GSE1: variants seen among roughly 807,000 people sequenced by gnomAD.
GSE1 encodes Gse1 coiled-coil protein, also known as genetic suppressor element 1.
Under a neutral mutation model 112.6 loss-of-function variants are expected in GSE1, and 32 were observed. The ratio of observed to expected loss-of-function variants is 0.28; its 90% CI spans 0.21 to 0.38. The LOEUF is 0.38. GSE1 is among the 10% of genes least tolerant of loss of function. GSE1 has a pLI of 1.00. For missense variants in GSE1, 2,348 were observed against 1,699.2 expected (o/e 1.38, Z -6.71); for synonymous variants, 1,115 against 735.6 (o/e 1.52, Z -8.35).
At chr16:85,295,452 T>A (rs1007383441) in intron 1 of GSE1, among the ~76,000 whole-genome samples, 3 of 152,234 alleles carry the variant, frequency 2.0e-5, no homozygotes, top group Admixed American at 2.0e-4. Context: ...CCGCGTCCTT[T>A]TTGCCCATCC....
intron 1 of GSE1, among the ~76,000 whole-genome samples, chr16:85,216,721 A>T (rs1213728807): frequency 6.6e-6 from 1 of 152,176 alleles, no homozygotes; most frequent in African/African-American, 2.4e-5. Flanking sequence ...TGGGACTCCC[A>T]GCACCTGCTT....
At chr16:85,510,407 C>CGTGTGTGTGTGT (rs1555524666) in intron 2 of GSE1, among the ~76,000 whole-genome samples, 3 of 149,410 alleles carry the variant, frequency 2.0e-5, no homozygotes, top group Admixed American at 6.6e-5. Flanking sequence ...CCCGAGCGTG[C>CGTGTGTGTGTGT]GTGTGTGTGT....
At chr16:85,436,787 C>A (rs1454438395) in intron 2 of GSE1, among the ~76,000 whole-genome samples, 1 of 152,224 alleles carries the variant, frequency 6.6e-6, no homozygotes, top group Non-Finnish European at 1.5e-5. Context: ...CGGGCTGGGA[C>A]CCCACGCGCG....
At chr16:85,332,132 A>G (rs976273147) in intron 1 of GSE1, among the ~76,000 whole-genome samples, 2 of 152,138 alleles carry the variant, frequency 1.3e-5, no homozygotes, top group African/African-American at 4.8e-5. Flanking sequence ...CCAGACTCCC[A>G]GTCACACCCA....
At chr16:85,610,400 G>T (rs1475000314), upstream of GSE1, among the ~76,000 whole-genome samples, 1 of 152,234 alleles carries the variant, frequency 6.6e-6, no homozygotes, top group African/African-American at 2.4e-5. Context: ...GCGCTGCTTA[G>T]GAAGAGAGAG....
chr16:85,665,042 G>T lies in GSE1; in HGVS notation c.2672G>T (p.Arg891Leu). The T allele has an allele frequency of 6.2e-7, 1 of 1,610,742 alleles. No individual in the cohort carries two copies. Among genetic ancestry groups the T allele is most frequent in the South Asian group, 1.1e-5 (1 of 91,000 alleles). ...AAAGAGAGACTTGTTGAAATGCTCC[G>T]TGCCATGAAGCAGAAGGCACTGTCA... ...KDKERLVEML[R>L]AMKQKALSAA... Residue 891 changes from arginine (R) to leucine (L), a missense_variant, in exon 12 of 16, where the codon CGT becomes CTT. Coordinates refer to ENST00000253458, the MANE Select transcript of GSE1 (RefSeq NM_014615.5).
At chr16:85,607,702 G>T (rs1325101415), upstream of GSE1, among the ~76,000 whole-genome samples, 1 of 152,162 alleles carries the variant, frequency 6.6e-6, no homozygotes, top group Non-Finnish European at 1.5e-5. Flanking sequence ...CCAAGAGGGG[G>T]CAGGCAGGGA....
In GSE1 at chr16:85,312,213, G is replaced by GGA. The variant is rs944489338; in HGVS notation, c.2284-45249_2284-45248insAG. Among the ~76,000 whole-genome samples, 6 of 149,538 alleles carry GGA rather than the reference G, an allele frequency of 4.0e-5. 2 individuals carry two copies. Among genetic ancestry groups the GGA allele is most frequent in the African/African-American group, 1.5e-4 (6 of 39,100 alleles). ...CTCTCTGATCCTCTTGCGGGGGGGG[G>GGA]GGGGACACACTTACCCCCAAACCCT... On this transcript the variant is annotated intron_variant, in intron 1 of 2. Coordinates refer to the GSE1 transcript ENST00000637419.
chr16:85,671,170 A>C, intron 15 of GSE1, 72 bp downstream of exon 15: 1 of 882,548 alleles, frequency 1.1e-6, no homozygotes, highest in South Asian at 1.4e-5. Context: ...ACCCATGCAG[A>C]TAAGTTTCAG....
At chr16:85,552,954 A>G (rs981475477), upstream of GSE1, among the ~76,000 whole-genome samples, 1 of 152,392 alleles carries the variant, frequency 6.6e-6, no homozygotes, top group East Asian at 1.9e-4. Flanking sequence ...TTTAGTATTA[A>G]TTACTACTGT....
At chr16:85,316,855 T>G (rs1156376185) in intron 1 of GSE1, among the ~76,000 whole-genome samples, 1 of 152,148 alleles carries the variant, frequency 6.6e-6, no homozygotes, top group Non-Finnish European at 1.5e-5. Flanking sequence ...CCGCCCGGCG[T>G]GGCTGCAGCC....
intron 1 of GSE1, among the ~76,000 whole-genome samples, chr16:85,619,647 G>A (rs977502848): frequency 2.0e-5 from 3 of 152,200 alleles, no homozygotes; most frequent in Non-Finnish European, 2.9e-5. Flanking sequence ...GTAACCAGAT[G>A]GGAAAGACTG....
chr16:85,430,683 G>C (rs111999154), intron 2 of GSE1, among the ~76,000 whole-genome samples: 1 of 152,226 alleles, frequency 6.6e-6, no homozygotes, highest in Non-Finnish European at 1.5e-5. Flanking sequence ...CCCCAGGTAC[G>C]GGCTGGGCAC....
chr16:85,290,869 A>G (rs967215623), intron 1 of GSE1, among the ~76,000 whole-genome samples: 2 of 152,124 alleles, frequency 1.3e-5, no homozygotes, highest in Non-Finnish European at 1.5e-5. Context: ...GTCCCTGAGC[A>G]GGCCAGTGTG....
intron 2 of GSE1, among the ~76,000 whole-genome samples, chr16:85,369,996 T>G (rs1246470884): frequency 6.6e-6 from 1 of 152,090 alleles, no homozygotes; most frequent in Non-Finnish European, 1.5e-5. Flanking sequence ...CGGAGCCCCC[T>G]TGAGAGGGTG....
intron 2 of GSE1, among the ~76,000 whole-genome samples, chr16:85,455,891 C>T (rs2049813343): frequency 6.6e-6 from 1 of 152,266 alleles, no homozygotes; most frequent in Non-Finnish European, 1.5e-5. Context: ...GCCCTTCCCT[C>T]CCAGGGACCC....
At position 85,400,285 on chromosome 16, in the gene GSE1, T is replaced by TTG. The variant is rs558588215; in HGVS notation, c.2464+42654_2464+42655dup. 1.4e-4 allele frequency among the ~76,000 whole-genome samples: 20 copies of TTG among 140,612 alleles called. 1 individual carries two copies. The South Asian group carries it at 1.8e-3, about 13-fold the overall frequency. The allele number at this position is 140,612 out of a possible 152,430, so 92.2% of individuals were successfully genotyped here. On this transcript the variant is annotated intron_variant, in intron 2 of 2. Coordinates refer to the GSE1 transcript ENST00000637419. ...TGTGTGTGTGTGTGTGTGTGTGTAA[T>TTG]TGTGTGTGTGTGTTTCTGTGTATGA...
intron 2 of GSE1, among the ~76,000 whole-genome samples, chr16:85,485,998 C>G (rs1597915266): frequency 6.6e-6 from 1 of 152,196 alleles, no homozygotes. Flanking sequence ...GGCCCAGAAG[C>G]CTGCTAGGGG....
At chr16:85,307,270 G>A (rs1308956741) in intron 1 of GSE1, among the ~76,000 whole-genome samples, 1 of 152,182 alleles carries the variant, frequency 6.6e-6, no homozygotes, top group Admixed American at 6.5e-5. Context: ...CTTGTCAGTG[G>A]CCACCGCTTT....
Sources: allele counts gnomAD v4.1 joint callset (sites outside exome capture counted in the v4.1 genomes callset), GRCh38; gene constraint gnomAD v4.1.1; transcripts MANE v1.5; gene names NCBI Gene and HGNC (gene_info 2026-07-23, HGNC 2026-07-21).